Variants in PRKCE observed in about 807,000 individuals in gnomAD.
PRKCE encodes protein kinase C epsilon.
In PRKCE, 16 loss-of-function variants were observed where a neutral mutation model predicts 85.4. That is an observed-to-expected ratio of 0.19 (90% confidence interval 0.13 to 0.28). PRKCE has a LOEUF of 0.28. Ranked by LOEUF, PRKCE falls within the 10% of genes least tolerant of loss-of-function variation. The pLI is 1.00. For missense variants in PRKCE, 573 were observed against 975.2 expected (o/e 0.59, Z 5.49); for synonymous variants, 388 against 371.5 (o/e 1.04, Z -0.51).
At chr2:46,117,748 G>C (rs1000252340) in intron 11 of PRKCE, among the ~76,000 whole-genome samples, 1 of 152,212 alleles carries the variant, frequency 6.6e-6, no homozygotes, top group Non-Finnish European at 1.5e-5. Context: ...AAAACACATA[G>C]GAAGGGCTTA....
At chr2:46,006,002 G>A (rs1242960825) in intron 8 of PRKCE, among the ~76,000 whole-genome samples, 1 of 152,120 alleles carries the variant, frequency 6.6e-6, no homozygotes, top group African/African-American at 2.4e-5. Flanking sequence ...GGGTTTGTAG[G>A]CCTGGCTCCT....
rs1408956667 is a variant in PRKCE, at chr2:46,001,292, T to G, written c.824-112T>G. 28 of 962,456 alleles carry G rather than the reference T, an allele frequency of 2.9e-5. No homozygotes were observed. Among genetic ancestry groups the G allele is most frequent in the Non-Finnish European group, 3.6e-5 (26 of 724,938 alleles). The allele number at this position is 962,456 out of a possible 1,614,324, so 59.6% of individuals were successfully genotyped here. On this transcript the variant is annotated intron_variant, in intron 6 of 14. Coordinates refer to ENST00000306156, the MANE Select transcript of PRKCE (RefSeq NM_005400.3). This position sits in a 1 kb window ranked among gnomAD's most constrained non-coding sequence, Gnocchi z 4.4. Reference sequence around the variant, plus strand: ...ATATATTTCTGTATTTTCCAAATTATATCTTAAATGAACATGTAATACTTC... The same window carrying G: ...ATATATTTCTGTATTTTCCAAATTAGATCTTAAATGAACATGTAATACTTC...
intron 2 of PRKCE, among the ~76,000 whole-genome samples, chr2:45,875,569 G>A (rs1020710174): frequency 2.0e-5 from 3 of 152,222 alleles, no homozygotes; most frequent in Admixed American, 2.0e-4. Context: ...TGGGAAAGGA[G>A]GCTTGTATAG....
At chr2:45,687,780 TA>T (rs1233627929) in intron 1 of PRKCE, among the ~76,000 whole-genome samples, 2 of 152,220 alleles carry the variant, frequency 1.3e-5, no homozygotes, top group Non-Finnish European at 2.9e-5. Context: ...TTTAGAACAT[TA>T]TTCCAATATT....
intron 2 of PRKCE, among the ~76,000 whole-genome samples, chr2:45,952,642 A>C (rs971283508): frequency 6.6e-6 from 1 of 152,248 alleles, no homozygotes; most frequent in Admixed American, 6.5e-5. Context: ...CAAAAAATGT[A>C]GTCGCTCTTC....
rs1174052381 is a variant in PRKCE at position 45,884,984 on chromosome 2, TATATATATA to T, written c.412+41922_412+41930del. On this transcript the variant is annotated intron_variant, in intron 2 of 14. Transcript: ENST00000306156. ...ATATATATATATATATATATATATA[TATATATATA>T]TATATATATTTGTTGTTGTTGTTGT... Among the ~76,000 whole-genome samples the T allele has an allele frequency of 6.2e-4, 48 of 77,106 alleles. 1 individual carries two copies. In the South Asian group the frequency reaches 0.017, roughly 28 times the overall value. 50.6% of individuals were successfully genotyped at this position (77,106 alleles called of 152,430 possible).
intron 2 of PRKCE, among the ~76,000 whole-genome samples, chr2:45,862,871 G>T (rs113080723): frequency 6.6e-6 from 1 of 152,212 alleles, no homozygotes; most frequent in Non-Finnish European, 1.5e-5. Flanking sequence ...AGCTTCGCAG[G>T]GGCTGCATTC....
At position 45,796,979 on chromosome 2, in the gene PRKCE, T is replaced by C. The variant is rs144822191; in HGVS notation, c.349-46021T>C. ...AGAGCTCAGAACAGTTAAGACATCA[T>C]TGAGGGTTACGTAACTCCATTTACT... On this transcript the variant is annotated intron_variant, in intron 1 of 14. Transcript: ENST00000306156. Among the ~76,000 whole-genome samples, 212 of 152,320 alleles carry C rather than the reference T, an allele frequency of 1.4e-3. 2 individuals are homozygous for C. Among genetic ancestry groups the C allele is most frequent in the African/African-American group, 5.0e-3 (206 of 41,560 alleles).
At chr2:45,822,390 C>CA (rs1190393100) in intron 1 of PRKCE, among the ~76,000 whole-genome samples, 77 of 152,350 alleles carry the variant, frequency 5.1e-4, no homozygotes, top group African/African-American at 1.8e-3. Flanking sequence ...TGTGTACCCA[C>CA]AAGCAACCCC....
chr2:46,004,516 C>G lies in PRKCE; in HGVS notation c.967-26C>G. On this transcript the variant is annotated intron_variant, in intron 7 of 14. Transcript: ENST00000306156. The surrounding 1 kb of genome is among the most constrained non-coding windows in gnomAD (Gnocchi z 4.1). Reference sequence around the variant, plus strand: ...CTCTCAACCCTCCCTTCTGATGCCTCTGTCCCTGCTTTCTCTCCTCTCTAG... The same window carrying G: ...CTCTCAACCCTCCCTTCTGATGCCTGTGTCCCTGCTTTCTCTCCTCTCTAG... The G allele has an allele frequency of 6.5e-7, 1 of 1,546,012 alleles. No homozygotes were observed. Among genetic ancestry groups the G allele is most frequent in the African/African-American group, 1.4e-5 (1 of 74,022 alleles).
chr2:45,755,934 A>G (rs1441074328), intron 1 of PRKCE, among the ~76,000 whole-genome samples: 1 of 152,152 alleles, frequency 6.6e-6, no homozygotes, highest in Non-Finnish European at 1.5e-5. Context: ...GGTAGAAGGG[A>G]GGAGGATGGA....
At chr2:45,942,508 G>A (rs147818539) in intron 2 of PRKCE, among the ~76,000 whole-genome samples, 6 of 152,284 alleles carry the variant, frequency 3.9e-5, no homozygotes, top group Non-Finnish European at 5.9e-5. Flanking sequence ...TATGAGGAAC[G>A]TGCAGCCGTT....
At chr2:45,742,780 C>T (rs1196809128) in intron 1 of PRKCE, among the ~76,000 whole-genome samples, 1 of 152,178 alleles carries the variant, frequency 6.6e-6, no homozygotes, top group Non-Finnish European at 1.5e-5. Context: ...AGCAATCGCA[C>T]TTCTGGGTGT....
At chr2:46,091,073 C>T (rs1670118782) in intron 11 of PRKCE, among the ~76,000 whole-genome samples, 1 of 151,664 alleles carries the variant, frequency 6.6e-6, no homozygotes, top group Non-Finnish European at 1.5e-5. Context: ...TCCTTTTCCT[C>T]TGGTTTCTTT....
chr2:46,107,448 T>G (rs1671836654), intron 11 of PRKCE, among the ~76,000 whole-genome samples: 1 of 152,202 alleles, frequency 6.6e-6, no homozygotes. Context: ...GTACCACACT[T>G]TGTTTATCCA....
chr2:45,696,823 A>G (rs1678192228), intron 1 of PRKCE, among the ~76,000 whole-genome samples: 1 of 152,064 alleles, frequency 6.6e-6, no homozygotes, highest in Non-Finnish European at 1.5e-5. Flanking sequence ...AGACTTTTAG[A>G]CTCACTGCAG....
At chr2:46,158,106 G>T (rs891438945) in intron 13 of PRKCE, among the ~76,000 whole-genome samples, 5 of 152,154 alleles carry the variant, frequency 3.3e-5, no homozygotes, top group Non-Finnish European at 4.4e-5. Context: ...CCAGGTTTGG[G>T]GCAGATAAGA....
In PRKCE at chr2:45,689,878, G is replaced by C. The variant is rs547997765; in HGVS notation, c.348+37430G>C. Among the ~76,000 whole-genome samples the C allele has an allele frequency of 1.9e-3, 282 of 149,664 alleles. 1 individual carries two copies. The highest frequency in any genetic ancestry group is 6.4e-3 in the African/African-American group (260 of 40,538). ...ACCACTGCACTGGTGTGACAGGCTGGGTGACAGAGCAAGACTCCATCTCAA... is the reference window on the plus strand; with the variant it reads ...ACCACTGCACTGGTGTGACAGGCTGCGTGACAGAGCAAGACTCCATCTCAA... On this transcript the variant is annotated intron_variant, in intron 1 of 14. Transcript: ENST00000306156.
chr2:46,148,259 G>A (rs1676278687), intron 12 of PRKCE, among the ~76,000 whole-genome samples: 1 of 152,236 alleles, frequency 6.6e-6, no homozygotes, highest in African/African-American at 2.4e-5. Flanking sequence ...TTGAGGGGTT[G>A]GCTCCAGGTG....
Sources: allele counts gnomAD v4.1 joint callset (sites outside exome capture counted in the v4.1 genomes callset), GRCh38; gene constraint gnomAD v4.1.1; non-coding constraint Gnocchi (gnomAD v3.1); transcripts MANE v1.5; gene names NCBI Gene and HGNC (gene_info 2026-07-23, HGNC 2026-07-21).